Variants in RORA observed in about 807,000 individuals in gnomAD.
RORA encodes RAR related orphan receptor A.
Under a neutral mutation model 69.5 loss-of-function variants are expected in RORA, and 7 were observed. The observed-to-expected ratio is 0.10, with a 90% CI of 0.06 to 0.19. The LOEUF (loss-of-function observed/expected upper bound fraction) is 0.19. RORA is among the 10% of genes least tolerant of loss of function. The pLI, the probability that RORA is intolerant of heterozygous loss-of-function variation, is 1.00. For missense variants in RORA, 457 were observed against 663.0 expected (o/e 0.69, Z 3.41); for synonymous variants, 261 against 240.8 (o/e 1.08, Z -0.78).
rs549667494 is a variant in RORA at position 60,853,509 on chromosome 15, C to T, written c.167-174823G>A. ...ACAAGATTGCTGACTTAATTGGGTGCGTAACAAATGGCTATACCACTGCCA... is the reference window on the plus strand; with the variant it reads ...ACAAGATTGCTGACTTAATTGGGTGTGTAACAAATGGCTATACCACTGCCA... On this transcript the variant is annotated intron_variant, in intron 1 of 10. Coordinates refer to ENST00000335670, the MANE Select transcript of RORA (RefSeq NM_134261.3). Among the ~76,000 whole-genome samples the T allele has an allele frequency of 3.2e-4, 48 of 152,182 alleles. 1 individual carries two copies. In the South Asian group the frequency reaches 8.9e-3, roughly 28 times the overall value.
chr15:60,632,224 G>A (rs1175817392), intron 2 of RORA, among the ~76,000 whole-genome samples: 3 of 151,700 alleles, frequency 2.0e-5, no homozygotes, highest in African/African-American at 4.8e-5. Context: ...TCCTGCCTCA[G>A]CCTCCCAAGT....
intron 1 of RORA, among the ~76,000 whole-genome samples, chr15:61,034,892 A>C (rs1896378658): frequency 6.6e-6 from 1 of 152,042 alleles, no homozygotes; most frequent in African/African-American, 2.4e-5. Flanking sequence ...CAAGGAGGAA[A>C]AGCTGGAGTT....
chr15:61,166,119 G>C (rs17303523), intron 1 of RORA, among the ~76,000 whole-genome samples: 18,202 of 152,198 alleles, frequency 0.12, 1,168 homozygotes, highest in South Asian at 0.19. Flanking sequence ...ATGTGGAAGA[G>C]AAATGTAGCA....
chr15:60,507,710 A>G (rs17270188), intron 5 of RORA, among the ~76,000 whole-genome samples: 46,376 of 151,952 alleles, frequency 0.31, 8,917 homozygotes, highest in East Asian at 0.53. Flanking sequence ...CTCACTATAT[A>G]AGGTCGTTTC....
At chr15:60,640,000 CTG>C in intron 2 of RORA, among the ~76,000 whole-genome samples, 2 of 152,192 alleles carry the variant, frequency 1.3e-5, no homozygotes. Context: ...TGGAGGGAGA[CTG>C]TGAGATATGG....
intron 1 of RORA, among the ~76,000 whole-genome samples, chr15:60,800,087 C>T (rs1460677194): frequency 6.6e-6 from 1 of 152,232 alleles, no homozygotes; most frequent in Non-Finnish European, 1.5e-5. Flanking sequence ...CAGCCACCCT[C>T]ACGTTGGTTG....
chr15:61,107,055 G>A (rs369287789), intron 1 of RORA, among the ~76,000 whole-genome samples: 85 of 152,262 alleles, frequency 5.6e-4, no homozygotes, highest in Middle Eastern at 3.4e-3. Flanking sequence ...TGCCCACCTT[G>A]GCCCTGGCTA....
intron 1 of RORA, among the ~76,000 whole-genome samples, chr15:61,215,987 A>C (rs17237810): frequency 3.3e-5 from 5 of 152,194 alleles, no homozygotes; most frequent in Non-Finnish European, 7.4e-5. Flanking sequence ...AAAACAACCT[A>C]ATCACAATGC....
intron 1 of RORA, among the ~76,000 whole-genome samples, chr15:61,033,419 C>CAAACAAAAA (rs1555403817): frequency 4.4e-4 from 67 of 150,644 alleles, no homozygotes; most frequent in African/African-American, 1.5e-3. Context: ...AAAAAAAAAA[C>CAAACAAAAA]AAAAACCAGT....
chr15:61,139,585 C>T (rs1430230375), intron 1 of RORA, among the ~76,000 whole-genome samples: 4 of 152,206 alleles, frequency 2.6e-5, no homozygotes, highest in African/African-American at 9.6e-5. Flanking sequence ...TCCAACAGTA[C>T]TTCTGTGGCT....
At chr15:60,512,967 G>A (rs2065750766) in intron 4 of RORA, among the ~76,000 whole-genome samples, 1 of 152,170 alleles carries the variant, frequency 6.6e-6, no homozygotes, top group Non-Finnish European at 1.5e-5. Flanking sequence ...ATTGATTGTG[G>A]TTAAATTTAT....
At chr15:60,510,169 T>G (rs2065649919) in intron 5 of RORA, among the ~76,000 whole-genome samples, 1 of 152,210 alleles carries the variant, frequency 6.6e-6, no homozygotes, top group Non-Finnish European at 1.5e-5. Context: ...GTCTTCATTC[T>G]CTCCTTGTAT....
intron 1 of RORA, among the ~76,000 whole-genome samples, chr15:61,024,596 A>C (rs1895706498): frequency 6.6e-6 from 1 of 151,486 alleles, no homozygotes; most frequent in Non-Finnish European, 1.5e-5. Context: ...GACCACAGGC[A>C]TGCACCACCA....
At chr15:60,761,684 G>A (rs1196674282) in intron 1 of RORA, among the ~76,000 whole-genome samples, 1 of 152,080 alleles carries the variant, frequency 6.6e-6, no homozygotes, top group Non-Finnish European at 1.5e-5. Context: ...CCATTTCTGG[G>A]GGTAGACTTC....
chr15:60,575,328 G>C (rs1396501350), intron 2 of RORA, among the ~76,000 whole-genome samples: 3 of 152,178 alleles, frequency 2.0e-5, no homozygotes, highest in Non-Finnish European at 4.4e-5. Context: ...GCTGATACTT[G>C]GCCTTCATGA....
At chr15:60,968,306 T>C (rs1566928226) in intron 1 of RORA, among the ~76,000 whole-genome samples, 1 of 152,200 alleles carries the variant, frequency 6.6e-6, no homozygotes, top group African/African-American at 2.4e-5. Flanking sequence ...TTATAGCCAA[T>C]AGTCCTTAAA....
intron 1 of RORA, among the ~76,000 whole-genome samples, chr15:60,746,517 A>G (rs2140855519): frequency 6.6e-6 from 1 of 152,296 alleles, no homozygotes; most frequent in Non-Finnish European, 1.5e-5. Flanking sequence ...AGGGAGAGAA[A>G]AAAAAACATT....
intron 2 of RORA, among the ~76,000 whole-genome samples, chr15:60,603,114 T>C (rs952319496): frequency 3.3e-5 from 5 of 152,228 alleles, no homozygotes. Context: ...TTTGCTCTGT[T>C]TTATTGTTGA....
chr15:61,195,696 A>G (rs2079840150), intron 1 of RORA, among the ~76,000 whole-genome samples: 1 of 152,204 alleles, frequency 6.6e-6, no homozygotes, highest in African/African-American at 2.4e-5. Context: ...ATCCACATTT[A>G]TAAGAAGCTT....
Sources: allele counts gnomAD v4.1 joint callset (sites outside exome capture counted in the v4.1 genomes callset), GRCh38; gene constraint gnomAD v4.1.1; transcripts MANE v1.5; gene names NCBI Gene and HGNC (gene_info 2026-07-23, HGNC 2026-07-21).